Variants in ATXN3 observed in about 807,000 individuals in gnomAD.
The protein encoded by ATXN3 is ataxin 3, also known as ataxin-3.
A neutral mutation model predicts 58.2 loss-of-function variants in ATXN3; 28 were observed. The observed-to-expected ratio is 0.48, with a 90% confidence interval of 0.36 to 0.66. ATXN3 has a LOEUF of 0.66. Among genes scored for constraint, ATXN3 ranks in the 30% least tolerant of loss-of-function variants. ATXN3 has a pLI of 0.00. For missense variants in ATXN3, 321 were observed against 422.1 expected (o/e 0.76, Z 2.10); for synonymous variants, 113 against 138.5 (o/e 0.82, Z 1.29).
intron 9 of ATXN3, among the ~76,000 whole-genome samples, chr14:92,075,156 GTTTTTTTT>G (rs376552690): frequency 1.8e-5 from 2 of 111,352 alleles, no homozygotes; most frequent in African/African-American, 3.4e-5. Flanking sequence ...GTAATAGGGA[GTTTTTTTT>G]TTTTTTTTTT....
At chr14:92,088,664 T>C in intron 6 of ATXN3, 66 bp downstream of exon 6, 4 of 1,135,472 alleles carry the variant, frequency 3.5e-6, no homozygotes, top group East Asian at 4.7e-5. Flanking sequence ...CACACTGTCA[T>C]CTAATGTGCC....
Position 92,063,396 on chromosome 14 carries a change from G to C in ATXN3, c.*924C>G, listed in dbSNP as rs1328550614. The C allele has an allele frequency of 2.6e-5, 4 of 152,096 alleles. No individual in the cohort carries two copies. The highest frequency in any genetic ancestry group is 5.9e-5 in the Non-Finnish European group (4 of 68,016). The allele number at this position is 152,096 out of a possible 1,614,324, so 9.4% of individuals were successfully genotyped here. A position where few individuals can be genotyped will look rare whatever the true frequency, so the allele number is the denominator to read the frequency against. On this transcript the variant is annotated 3_prime_UTR_variant, in exon 11 of 11. Transcript: ENST00000644486. ...ATTTCATGTATCATACATTCATGGT[G>C]GGTACGTATGTTTAGTCTTCTAACA...
chr14:92,104,464 A>G (rs563546390), intron 1 of ATXN3, among the ~76,000 whole-genome samples: 7 of 152,298 alleles, frequency 4.6e-5, no homozygotes, highest in Non-Finnish European at 1.0e-4. Context: ...GTAGATTTTC[A>G]CTAGGCTAGC....
intron 2 of ATXN3, among the ~76,000 whole-genome samples, chr14:92,047,088 G>A (rs1252912500): frequency 6.6e-6 from 1 of 152,160 alleles, no homozygotes; most frequent in East Asian, 1.9e-4. Context: ...CCTTGCGGCA[G>A]TACAGCCCAG....
At chr14:92,075,106 G>A (rs988790544) in intron 9 of ATXN3, among the ~76,000 whole-genome samples, 2 of 151,270 alleles carry the variant, frequency 1.3e-5, no homozygotes, top group Non-Finnish European at 2.9e-5. Context: ...AAATGTCATG[G>A]CTTGAAAATA....
intron 5 of ATXN3, chr14:92,090,554 C>T (rs1043654613): frequency 1.3e-5 from 2 of 152,092 alleles, no homozygotes; most frequent in African/African-American, 2.4e-5. Flanking sequence ...CCTTCTTTTT[C>T]ATTATACAGG....
intron 6 of ATXN3, among the ~76,000 whole-genome samples, chr14:92,084,589 T>TA (rs1398000408): frequency 1.3e-5 from 2 of 151,416 alleles, no homozygotes; most frequent in African/African-American, 4.9e-5. Context: ...TTTTTTTTTT[T>TA]AATTTGAGAT....
chr14:92,064,321 T>C lies in ATXN3; in HGVS notation c.1085A>G (p.Ter362=). Residue 362 remains the stop codon, a stop_retained_variant, in exon 11 of 11, where the codon TAA becomes TGA. Transcript: ENST00000644486. ...RNDLKTEGKK[*] is the part of the protein sequence containing the mutation. ...TATCTAAATTATTTTTTAAAGGTAT[T>C]ATTTTTTTCCTTCTGTTTTCAAATC... 1.3e-6 allele frequency: 2 copies of C among 1,592,268 alleles called. No homozygotes were observed. Among genetic ancestry groups the C allele is most frequent in the South Asian group, 2.2e-5 (2 of 90,348 alleles).
At chr14:92,071,100 G>C in intron 9 of ATXN3, 47 bp from the exon 10 acceptor site, 6 of 1,480,208 alleles carry the variant, frequency 4.1e-6, no homozygotes, top group Non-Finnish European at 5.4e-6. Flanking sequence ...AAACTTAAAA[G>C]AATAAATACA....
chr14:92,080,892 A>G (rs777548288), intron 9 of ATXN3, 73 bp downstream of exon 9: 61 of 1,163,968 alleles, frequency 5.2e-5, no homozygotes, highest in Non-Finnish European at 7.1e-5. Flanking sequence ...TCAGGCAGTA[A>G]CCATTTACAA....
chr14:92,103,110 TAA>T (rs11388890), intron 1 of ATXN3, among the ~76,000 whole-genome samples: 25,680 of 131,518 alleles, frequency 0.2, 2,481 homozygotes, highest in Admixed American at 0.33. Context: ...GCAAGAGGAT[TAA>T]AAAAAAAAAA....
At chr14:92,077,352 CTTTTT>C (rs111249502) in intron 9 of ATXN3, among the ~76,000 whole-genome samples, 1 of 147,364 alleles carries the variant, frequency 6.8e-6, no homozygotes, top group African/African-American at 2.5e-5. Flanking sequence ...AGTATGCTTT[CTTTTT>C]TTTTTTTGAG....
chr14:92,066,800 C>G (rs1216086881), intron 10 of ATXN3, among the ~76,000 whole-genome samples: 1 of 148,734 alleles, frequency 6.7e-6, no homozygotes, highest in African/African-American at 2.5e-5. Context: ...GATGGAGTCT[C>G]GCTCAACTGC....
In ATXN3 at chr14:92,096,069, T is replaced by C. The variant is rs564572941; in HGVS notation, c.234+24A>G. On this transcript the variant is annotated intron_variant, in intron 3 of 10. Coordinates refer to ENST00000644486, the MANE Select transcript of ATXN3 (RefSeq NM_004993.6). The stretch of plus-strand genomic sequence containing the variant: ...CGGTGCCTGGGATGTAAGCAACACA[T>C]AGTACATGCTTGTGACTACTTACCT... 75 of 1,535,414 alleles carry C rather than the reference T, an allele frequency of 4.9e-5. 1 individual carries two copies. In the South Asian group the frequency reaches 8.0e-4, roughly 16 times the overall value.
rs549867277 is a variant in ATXN3 at position 92,058,690 on chromosome 14, CTGTG to C, written c.*5626_*5629del. On this transcript the variant is annotated 3_prime_UTR_variant, in exon 11 of 11. Transcript: ENST00000644486. ...TTTTCTAACGACCAGACAGGAAGGC[CTGTG>C]TGTGTAATAACAGCAAATGAACTTA... 11 of 152,244 alleles carry C rather than the reference CTGTG, an allele frequency of 7.2e-5. No homozygotes were observed. In the South Asian group the frequency reaches 2.3e-3, roughly 32 times the overall value. The allele number at this position is 152,244 out of a possible 1,614,324, so 9.4% of individuals were successfully genotyped here.
chr14:92,096,188 G>A (rs1378464109), intron 2 of ATXN3, 51 bp from the exon 3 acceptor site: 3 of 1,607,590 alleles, frequency 1.9e-6, no homozygotes, highest in East Asian at 2.2e-5. Flanking sequence ...GGGAAAGAAG[G>A]ATACAAACTG....
chr14:92,061,612 A>T lies in ATXN3; in HGVS notation c.*2708T>A, dbSNP rs1270471831. On this transcript the variant is annotated 3_prime_UTR_variant, in exon 11 of 11. Coordinates refer to ENST00000644486, the MANE Select transcript of ATXN3 (RefSeq NM_004993.6). ...AACATTAAGATGTTCCCAATTAGTA[A>T]AACAAAATGGAAATCTTTAATACAC... 1 of 152,224 alleles carries T rather than the reference A, an allele frequency of 6.6e-6. No homozygotes were observed. Among genetic ancestry groups the T allele is most frequent in the East Asian group, 1.9e-4 (1 of 5,200 alleles). The allele number at this position is 152,224 out of a possible 1,614,324, so 9.4% of individuals were successfully genotyped here.
chr14:92,096,029 T>C, intron 3 of ATXN3, 64 bp downstream of exon 3: 1 of 1,301,700 alleles, frequency 7.7e-7, no homozygotes, highest in South Asian at 1.2e-5. Flanking sequence ...CAGTGACTAT[T>C]GAAAGGCTGT....
chr14:92,076,021 T>C (rs2060288753), intron 9 of ATXN3, among the ~76,000 whole-genome samples: 1 of 152,208 alleles, frequency 6.6e-6, no homozygotes, highest in Admixed American at 6.6e-5. Flanking sequence ...GGTATATCGA[T>C]ATTCGAACAT....
Sources: allele counts gnomAD v4.1 joint callset (sites outside exome capture counted in the v4.1 genomes callset), GRCh38; gene constraint gnomAD v4.1.1; transcripts MANE v1.5; gene names NCBI Gene and HGNC (gene_info 2026-07-23, HGNC 2026-07-21).